Variants in GPR15LG observed in about 807,000 individuals in gnomAD.
The protein encoded by GPR15LG is protein GPR15LG.
chr10:84,173,978 T>G, the GPR15LG span: 1 of 1,348,610 alleles, frequency 7.4e-7, no homozygotes, highest in Non-Finnish European at 1.1e-6. Flanking sequence ...CTGGGAAGAC[T>G]CTGATCAGGA....
chr10:84,185,033 G>C, the GPR15LG span: 3 of 1,295,460 alleles, frequency 2.3e-6, no homozygotes, highest in Non-Finnish European at 2.9e-6. Context: ...GCAAACCACC[G>C]AGCATTCCAC....
chr10:84,177,631 C>T, the GPR15LG span, among the ~76,000 whole-genome samples: 9 of 152,324 alleles, frequency 5.9e-5, no homozygotes, highest in Admixed American at 3.9e-4. Context: ...GACCTTCTCC[C>T]GGAGATGCTG....
chr10:84,183,795 G>A, the GPR15LG span, among the ~76,000 whole-genome samples: 8 of 151,878 alleles, frequency 5.3e-5, no homozygotes, highest in Admixed American at 2.6e-4. Context: ...ACAGGCGTGC[G>A]CCACCATGCC....
At chr10:84,182,937 A>G in the GPR15LG span, among the ~76,000 whole-genome samples, 2 of 152,136 alleles carry the variant, frequency 1.3e-5, no homozygotes, top group Non-Finnish European at 2.9e-5. Flanking sequence ...AATGCTCATG[A>G]AATGGTAAGT....
chr10:84,177,723 A>C, the GPR15LG span, among the ~76,000 whole-genome samples: 1 of 152,180 alleles, frequency 6.6e-6, no homozygotes, highest in Non-Finnish European at 1.5e-5. Context: ...TTGCTGAACC[A>C]GTGTGAGGTG....
the GPR15LG span, among the ~76,000 whole-genome samples, chr10:84,182,627 C>T: frequency 3.9e-5 from 6 of 152,174 alleles, no homozygotes; most frequent in African/African-American, 7.2e-5. Context: ...AATGGAAACA[C>T]GTAAGGCCTC....
the GPR15LG span, among the ~76,000 whole-genome samples, chr10:84,177,231 G>A: frequency 6.6e-6 from 1 of 152,226 alleles, no homozygotes; most frequent in Non-Finnish European, 1.5e-5. Flanking sequence ...TGGCGGACAG[G>A]CCCAAGCTCA....
chr10:84,182,565 C>T, the GPR15LG span, among the ~76,000 whole-genome samples: 34 of 152,306 alleles, frequency 2.2e-4, no homozygotes, highest in African/African-American at 8.2e-4. Flanking sequence ...TCATGCTCTT[C>T]GCAGGCGAGC....
the GPR15LG span, among the ~76,000 whole-genome samples, chr10:84,179,237 G>A: frequency 5.1e-4 from 77 of 152,290 alleles, 1 homozygote; most frequent in East Asian, 9.1e-3. Context: ...CTGCCTCACT[G>A]GACCATGATG....
the GPR15LG span, chr10:84,173,867 C>A: frequency 2.7e-4 from 442 of 1,613,500 alleles, no homozygotes; most frequent in Non-Finnish European, 3.6e-4. Flanking sequence ...GCTTCTAGTC[C>A]TTTCCAGCCT....
At chr10:84,177,702 T>TCACA in the GPR15LG span, among the ~76,000 whole-genome samples, 1 of 152,218 alleles carries the variant, frequency 6.6e-6, no homozygotes, top group Non-Finnish European at 1.5e-5. Flanking sequence ...TAACCAGCTC[T>TCACA]CACACACCTC....
At chr10:84,177,611 T>C in the GPR15LG span, among the ~76,000 whole-genome samples, 1 of 152,138 alleles carries the variant, frequency 6.6e-6, no homozygotes, top group Non-Finnish European at 1.5e-5. Flanking sequence ...ACAGCATGAC[T>C]CCAGCCGCAG....
chr10:84,178,868 T>C, the GPR15LG span, among the ~76,000 whole-genome samples: 1 of 152,178 alleles, frequency 6.6e-6, no homozygotes, highest in Non-Finnish European at 1.5e-5. Flanking sequence ...AACAAACATA[T>C]GTATTGGGTC....
chr10:84,184,056 A>C, the GPR15LG span, among the ~76,000 whole-genome samples: 1 of 151,742 alleles, frequency 6.6e-6, no homozygotes, highest in Non-Finnish European at 1.5e-5. Flanking sequence ...ATGGTGGCTC[A>C]TGCCTGTAAT....
chr10:84,175,117 T>C, the GPR15LG span, among the ~76,000 whole-genome samples: 2 of 152,234 alleles, frequency 1.3e-5, no homozygotes, highest in Non-Finnish European at 2.9e-5. Flanking sequence ...ATTGAAGATA[T>C]TCTGGAAGCA....
chr10:84,184,711 AG>A, the GPR15LG span: 1 of 1,613,974 alleles, frequency 6.2e-7, no homozygotes, highest in East Asian at 2.2e-5. Context: ...AAACCATGCA[AG>A]CTTGAGCCAG....
the GPR15LG span, chr10:84,174,015 C>G: frequency 1.1e-6 from 1 of 934,578 alleles, no homozygotes; most frequent in South Asian, 1.3e-5. Context: ...CCTTGGCGGG[C>G]AGGCCTTGGC....
At chr10:84,175,377 C>G in the GPR15LG span, among the ~76,000 whole-genome samples, 1 of 152,164 alleles carries the variant, frequency 6.6e-6, no homozygotes, top group Non-Finnish European at 1.5e-5. Context: ...AGTTTCCTAT[C>G]CATTTAGGAC....
chr10:84,183,832 G>A, the GPR15LG span, among the ~76,000 whole-genome samples: 3 of 151,972 alleles, frequency 2.0e-5, no homozygotes, highest in Non-Finnish European at 4.4e-5. Context: ...TTTTGGTAGA[G>A]ACGGCATTTC....
Sources: allele counts gnomAD v4.1 joint callset (sites outside exome capture counted in the v4.1 genomes callset), GRCh38; gene constraint gnomAD v4.1.1; transcripts MANE v1.5; gene names NCBI Gene and HGNC (gene_info 2026-07-23, HGNC 2026-07-21).